Variants in MYOM3 observed in about 807,000 individuals in gnomAD.
The protein encoded by MYOM3 is myomesin 3, also known as myomesin-3.
A neutral mutation model predicts 191.7 loss-of-function variants in MYOM3; 155 were observed. That is an observed-to-expected ratio of 0.81 (90% CI 0.71 to 0.92). MYOM3 has a LOEUF of 0.92. Among genes scored for constraint, MYOM3 ranks in the 40% least tolerant of loss-of-function variants. The pLI is 0.00. For synonymous variants in MYOM3, 757 were observed against 762.9 expected (o/e 0.99, Z 0.13); for missense variants, 1,889 against 1,890.6 (o/e 1.00, Z 0.02).
rs564067924 is a variant in MYOM3, at chr1:24,068,317, G to A, written c.3201C>T (p.Ile1067=). Reference sequence around the variant, plus strand: ...CTTTGTCCTCCTCAGACAAGTTCTGGATGATCACTTCCACCAGGCCCTTCT... The same window carrying A: ...CTTTGTCCTCCTCAGACAAGTTCTGAATGATCACTTCCACCAGGCCCTTCT... ...DREKGLVEVI[I]QNLSEEDKGS... Residue 1067 remains isoleucine, a synonymous_variant, in exon 26 of 37, where the codon ATC becomes ATT. Transcript: ENST00000374434. The A allele has an allele frequency of 8.1e-6, 13 of 1,614,138 alleles. No homozygotes were observed. The South Asian group carries it at 1.3e-4, about 16-fold the overall frequency.
At chr1:24,100,932 A>G (rs113977134) in intron 5 of MYOM3, among the ~76,000 whole-genome samples, 46 of 152,196 alleles carry the variant, frequency 3.0e-4, no homozygotes, top group African/African-American at 1.1e-3. Flanking sequence ...GTTTTTGAAC[A>G]TACGGCTGTG....
chr1:24,091,204 G>A (rs1313759231), intron 11 of MYOM3, among the ~76,000 whole-genome samples: 3 of 152,190 alleles, frequency 2.0e-5, no homozygotes, highest in African/African-American at 7.2e-5. Context: ...CAGCAGCAGT[G>A]CCTTTCATGG....
rs34121526 is a variant in MYOM3, at chr1:24,074,166, C to T, written c.2962G>A (p.Glu988Lys). ...EDISASHTLT[E>K]EELEKLKKLS... ...AGCGGGGTAGGTGCATTACCTTCCT[C>T]GGTTAGCGTGTGGCTTGCGGAGATG... The change falls in exon 23 of 37, where the codon GAG becomes AAG. Residue 988 changes from glutamate to lysine, a missense_variant. Coordinates refer to ENST00000374434, the MANE Select transcript of MYOM3 (RefSeq NM_152372.4). 3,359 of 1,613,062 alleles carry T rather than the reference C, an allele frequency of 2.1e-3. 50 individuals carry two copies. In the African/African-American group the frequency reaches 0.036, roughly 17 times the overall value.
chr1:24,106,029 C>A lies in MYOM3; in HGVS notation c.451G>T (p.Gly151Cys), dbSNP rs145011026. The A allele has an allele frequency of 8.1e-6, 13 of 1,613,714 alleles. No individual in the cohort carries two copies. Among genetic ancestry groups the A allele is most frequent in the Non-Finnish European group, 1.0e-5 (12 of 1,179,982 alleles). Residue 151 changes from glycine (G) to cysteine (C), a missense_variant, in exon 5 of 37, where the codon GGC becomes TGC. Transcript: ENST00000374434. ...GGGATCCAGAACCAGGGCCCGCGGC[C>A]GTAGCACAGCTCCCTCAGCTCCTTG... ...EAKELRELCY[G>C]RGPWFWIPLR...
chr1:24,064,331 A>C (rs1643409676), intron 29 of MYOM3, 172 bp from the exon 30 acceptor site: 1 of 572,624 alleles, frequency 1.7e-6, no homozygotes, highest in Non-Finnish European at 3.1e-6. Context: ...GTGAGCTCTA[A>C]GGCTCCTTTC....
At chr1:24,067,387 T>TCTCC (rs1553155416) in intron 27 of MYOM3, among the ~76,000 whole-genome samples, 1 of 63,042 alleles carries the variant, frequency 1.6e-5, no homozygotes, top group Non-Finnish European at 2.9e-5. Flanking sequence ...TTTCTTTCTT[T>TCTCC]TTCCTTCCTT....
chr1:24,061,363 A>T, intron 33 of MYOM3, 54 bp from the exon 34 acceptor site: 1 of 1,571,122 alleles, frequency 6.4e-7, no homozygotes, highest in Non-Finnish European at 8.7e-7. Flanking sequence ...CTGTCTGATG[A>T]TGGGGACAGG....
At chr1:24,084,337 A>G (rs1643709828) in intron 16 of MYOM3, 131 bp downstream of exon 16, 1 of 992,962 alleles carries the variant, frequency 1.0e-6, no homozygotes, top group African/African-American at 1.6e-5. Context: ...GCCTCCCCAG[A>G]AAAAGAAGCC....
Position 24,063,066 on chromosome 1 carries a change from A to G in MYOM3, c.3770+60T>C, listed in dbSNP as rs1363385822. On this transcript the variant is annotated intron_variant, in intron 32 of 36. Transcript: ENST00000374434. This position sits in a 1 kb window ranked among gnomAD's most constrained non-coding sequence, Gnocchi z 4.5. Reference sequence around the variant, plus strand: ...GCAGGGAGAAGGGAGGGAGGCCCCCATGGGTCAGGTGCTGAATCCTTTCCA... The same window carrying G: ...GCAGGGAGAAGGGAGGGAGGCCCCCGTGGGTCAGGTGCTGAATCCTTTCCA... 3.4e-6 allele frequency: 4 copies of G among 1,164,582 alleles called. No homozygotes were observed. The African/African-American group carries it at 4.5e-5, about 13-fold the overall frequency. The allele number at this position is 1,164,582 out of a possible 1,614,324, so 72.1% of individuals were successfully genotyped here.
At position 24,063,098 on chromosome 1, in the gene MYOM3, C is replaced by G; in HGVS notation, c.3770+28G>C. ...AGGTGCTGAATCCTTTCCAGCCTGGCTGGGGTTCTGGGGCAAGGCGGACTT... is the reference window on the plus strand; with the variant it reads ...AGGTGCTGAATCCTTTCCAGCCTGGGTGGGGTTCTGGGGCAAGGCGGACTT... On this transcript the variant is annotated intron_variant, in intron 32 of 36. Coordinates refer to ENST00000374434, the MANE Select transcript of MYOM3 (RefSeq NM_152372.4). This position sits in a 1 kb window ranked among gnomAD's most constrained non-coding sequence, Gnocchi z 4.5. The G allele has an allele frequency of 6.6e-7, 1 of 1,515,090 alleles. No individual in the cohort carries two copies. Among genetic ancestry groups the G allele is most frequent in the Non-Finnish European group, 9.2e-7 (1 of 1,091,406 alleles). 93.9% of individuals were successfully genotyped at this position (1,515,090 alleles called of 1,614,324 possible).
At chr1:24,075,677 C>T (rs1353463916) in intron 21 of MYOM3, among the ~76,000 whole-genome samples, 3 of 152,120 alleles carry the variant, frequency 2.0e-5, no homozygotes, top group Non-Finnish European at 4.4e-5. Flanking sequence ...CCTTGACTGC[C>T]CTAGCTAAGC....
In MYOM3 at chr1:24,057,364, T is replaced by C. The variant is rs1643314355; in HGVS notation, c.4314A>G (p.Ter1438TrpextTer16). ...TCAGACTGTGCCTGGACACACGCTG[T>C]CACATGCTCTTCAGCTCCTTGGGCT... Reference protein sequence around the residue: ...GDEPKELKSM* With the variant: ...GDEPKELKSMW The change falls in exon 37 of 37, where the codon TGA (stop) becomes TGG (tryptophan). Residue 1438 changes from the stop codon to tryptophan, a stop_lost. Transcript: ENST00000374434. 2 of 1,612,376 alleles carry C rather than the reference T, an allele frequency of 1.2e-6. No individual in the cohort carries two copies. The highest frequency in any genetic ancestry group is 1.7e-6 in the Non-Finnish European group (2 of 1,179,496).
Position 24,074,145 on chromosome 1 carries a change from G to A in MYOM3, c.2968+15C>T. 6.3e-7 allele frequency: 1 copy of A among 1,591,890 alleles called. No individual in the cohort carries two copies. The highest frequency in any genetic ancestry group is 1.1e-5 in the South Asian group (1 of 90,464). On this transcript the variant is annotated intron_variant, in intron 23 of 36. Coordinates refer to ENST00000374434, the MANE Select transcript of MYOM3 (RefSeq NM_152372.4). ...CTCTCTGGGGAGGTGGCAGGGAGCGGGGTAGGTGCATTACCTTCCTCGGTT... is the reference window on the plus strand; with the variant it reads ...CTCTCTGGGGAGGTGGCAGGGAGCGAGGTAGGTGCATTACCTTCCTCGGTT...
chr1:24,107,306 C>A, intron 3 of MYOM3, 74 bp from the exon 4 acceptor site: 1 of 1,351,688 alleles, frequency 7.4e-7, no homozygotes, highest in Non-Finnish European at 1.0e-6. Flanking sequence ...GTTCCATTCC[C>A]TGTGCCCAGC....
intron 5 of MYOM3, among the ~76,000 whole-genome samples, chr1:24,105,173 C>A (rs1643972185): frequency 6.6e-6 from 1 of 152,214 alleles, no homozygotes; most frequent in Non-Finnish European, 1.5e-5. Context: ...TTCCCAGCCC[C>A]CTTCAAGCCC....
intron 25 of MYOM3, 124 bp downstream of exon 25, chr1:24,070,993 A>T: frequency 7.9e-7 from 1 of 1,264,800 alleles, no homozygotes; most frequent in Non-Finnish European, 1.1e-6. Flanking sequence ...GCAACAGCAA[A>T]AGCACACCGT....
At chr1:24,081,551 GT>G in intron 18 of MYOM3, 95 bp from the exon 19 acceptor site, 1 of 1,427,846 alleles carries the variant, frequency 7.0e-7, no homozygotes, top group Non-Finnish European at 9.6e-7. Context: ...CAGGTGGTCT[GT>G]GGGGGCTTTG....
chr1:24,085,280 AGATGGATGGATGGATG>A (rs55900087), intron 15 of MYOM3, among the ~76,000 whole-genome samples: 2 of 137,596 alleles, frequency 1.5e-5, no homozygotes, highest in African/African-American at 2.7e-5. Flanking sequence ...ATGGATGGAT[AGATGGATGGATGGATG>A]GATGGATGGA....
intron 5 of MYOM3, 106 bp downstream of exon 5, chr1:24,105,814 C>G: frequency 8.4e-7 from 1 of 1,190,514 alleles, no homozygotes; most frequent in Non-Finnish European, 1.2e-6. Flanking sequence ...GGACAGAGCT[C>G]AGGGTTCACA....
Sources: gnomAD v4.1 joint callset for allele counts (sites outside exome capture counted in the v4.1 genomes callset) on GRCh38, gnomAD v4.1.1 for gene constraint, Gnocchi (gnomAD v3.1) non-coding constraint, MANE v1.5 for transcripts, NCBI Gene and HGNC (gene_info 2026-07-23, HGNC 2026-07-21) for gene names.